The following ZC3H12B variants were observed in gnomAD, a reference collection of about 807,000 sequenced individuals.
ZC3H12B encodes the protein probable ribonuclease ZC3H12B.
ZC3H12B carries 7 observed loss-of-function variants against 43.9 expected under a neutral mutation model. That is an observed-to-expected ratio of 0.16 (90% CI 0.09 to 0.30). The LOEUF (loss-of-function observed/expected upper bound fraction) is 0.30, where lower values mean the gene tolerates loss of function less well. Among genes scored for constraint, ZC3H12B ranks in the 10% least tolerant of loss-of-function variants. ZC3H12B has a pLI of 1.00. For synonymous variants in ZC3H12B, 222 were observed against 241.7 expected, an observed-to-expected ratio of 0.92 and a Z score of 0.76; for missense variants, 475 against 670.2, an observed-to-expected ratio of 0.71 and a Z score of 3.22.
chrX:65,352,642 C>T, the ZC3H12B span, among the ~76,000 whole-genome samples: 7 of 111,078 alleles, frequency 6.3e-5, no homozygotes, highest in Non-Finnish European at 9.4e-5. Flanking sequence ...TACTGTGCTT[C>T]ACTTCCTTAT....
chrX:65,386,613 T>G (rs2066530184), intron 2 of ZC3H12B, among the ~76,000 whole-genome samples: 1 of 111,646 alleles, frequency 9.0e-6, no homozygotes, highest in Non-Finnish European at 1.9e-5. Flanking sequence ...GTTTCATTGA[T>G]TTTTTGAAGG....
the ZC3H12B span, among the ~76,000 whole-genome samples, chrX:65,302,472 A>C: frequency 8.9e-6 from 1 of 112,011 alleles, no homozygotes; most frequent in Non-Finnish European, 1.9e-5. Flanking sequence ...TACATGATAT[A>C]GGAGTAAAAC....
intron 2 of ZC3H12B, among the ~76,000 whole-genome samples, chrX:65,382,653 A>C (rs1263155126): frequency 8.9e-6 from 1 of 111,789 alleles, no homozygotes; most frequent in African/African-American, 3.3e-5. Context: ...GGAAAAGAGG[A>C]AGTCAAATTG....
At chrX:65,129,871 G>A in the ZC3H12B span, among the ~76,000 whole-genome samples, 1 of 110,790 alleles carries the variant, frequency 9.0e-6, no homozygotes, top group South Asian at 3.9e-4. Context: ...GGAAGATTTT[G>A]TGGTAAGGGG....
the ZC3H12B span, among the ~76,000 whole-genome samples, chrX:65,307,136 G>A: frequency 1.2e-4 from 13 of 112,262 alleles, no homozygotes; most frequent in African/African-American, 3.9e-4. Flanking sequence ...TAAAATTGTA[G>A]AGTGTAAATA....
At chrX:65,212,571 A>G in the ZC3H12B span, among the ~76,000 whole-genome samples, 1 of 78,616 alleles carries the variant, frequency 1.3e-5, no homozygotes, top group Admixed American at 1.9e-4. Flanking sequence ...TGTTATATAT[A>G]ATTATACAGT....
chrX:65,167,475 G>A, the ZC3H12B span, among the ~76,000 whole-genome samples: 17 of 111,644 alleles, frequency 1.5e-4, no homozygotes, highest in East Asian at 5.6e-4. Context: ...GTCAGGTAGC[G>A]TGATGCCTCC....
chrX:65,468,785 C>T (rs1305807089), intron 3 of ZC3H12B, among the ~76,000 whole-genome samples: 2 of 108,104 alleles, frequency 1.9e-5, no homozygotes, highest in Non-Finnish European at 3.8e-5. Context: ...CTGTGAAAAA[C>T]GATGTTGGTA....
chrX:65,202,179 G>GTAATATATATTTTCTA, the ZC3H12B span, among the ~76,000 whole-genome samples: 4 of 67,592 alleles, frequency 5.9e-5, no homozygotes, highest in African/African-American at 5.5e-4. Flanking sequence ...TATATTATAT[G>GTAATATATATTTTCTA]TAATATATAT....
the ZC3H12B span, among the ~76,000 whole-genome samples, chrX:65,160,788 C>T: frequency 2.7e-5 from 3 of 111,153 alleles, no homozygotes; most frequent in Non-Finnish European, 5.7e-5. Flanking sequence ...TTAGTTATTT[C>T]TTGCCTTCTG....
the ZC3H12B span, among the ~76,000 whole-genome samples, chrX:65,304,261 G>A: frequency 9.0e-6 from 1 of 111,607 alleles, no homozygotes; most frequent in African/African-American, 3.3e-5. Context: ...ATTTCATGGA[G>A]AAAGTATAGT....
the ZC3H12B span, among the ~76,000 whole-genome samples, chrX:65,233,067 C>T: frequency 2.7e-5 from 3 of 111,763 alleles, no homozygotes; most frequent in East Asian, 5.6e-4. Flanking sequence ...TATTTATGTG[C>T]CCAACACTGG....
the ZC3H12B span, among the ~76,000 whole-genome samples, chrX:65,233,598 G>A: frequency 7.4e-5 from 8 of 107,417 alleles, no homozygotes; most frequent in Non-Finnish European, 1.2e-4. Flanking sequence ...TATGGAAAAA[G>A]CAGTACTAAG....
At chrX:65,365,703 G>C (rs1447919109), upstream of ZC3H12B, among the ~76,000 whole-genome samples, 1 of 111,213 alleles carries the variant, frequency 9.0e-6, no homozygotes, top group South Asian at 3.8e-4. Flanking sequence ...CATATCCCCT[G>C]TGACTTGCAC....
chrX:65,310,122 T>A, the ZC3H12B span, among the ~76,000 whole-genome samples: 18 of 111,961 alleles, frequency 1.6e-4, no homozygotes, highest in African/African-American at 3.3e-5. Context: ...CCACTCCTAT[T>A]CAACATAGTG....
At chrX:65,159,817 G>A in the ZC3H12B span, among the ~76,000 whole-genome samples, 2 of 111,900 alleles carry the variant, frequency 1.8e-5, no homozygotes, top group African/African-American at 6.5e-5. Context: ...GGAGTGGTGA[G>A]AGAGGGCATC....
At chrX:65,230,878 A>C in the ZC3H12B span, among the ~76,000 whole-genome samples, 7 of 111,982 alleles carry the variant, frequency 6.3e-5, no homozygotes, top group Non-Finnish European at 1.1e-4. Flanking sequence ...ACACAGTCCA[A>C]GATAGACTAC....
At chrX:65,406,042 C>A (rs1467595648) in intron 3 of ZC3H12B, among the ~76,000 whole-genome samples, 1 of 111,778 alleles carries the variant, frequency 8.9e-6, no homozygotes, top group Non-Finnish European at 1.9e-5. Flanking sequence ...CCAGTGGCTT[C>A]ACTGCTGATT....
intron 3 of ZC3H12B, among the ~76,000 whole-genome samples, chrX:65,478,881 T>G (rs1441217870): frequency 1.8e-5 from 2 of 112,501 alleles, no homozygotes; most frequent in Non-Finnish European, 3.7e-5. Context: ...TCAAAGCCCC[T>G]TATGGACATC....
Sources: allele counts gnomAD v4.1 joint callset (sites outside exome capture counted in the v4.1 genomes callset), GRCh38; gene constraint gnomAD v4.1.1; transcripts MANE v1.5; gene names NCBI Gene and HGNC (gene_info 2026-07-23, HGNC 2026-07-21).